Variants in VWA5B1 observed in about 807,000 individuals in gnomAD.
VWA5B1 encodes von Willebrand factor A domain-containing protein 5B1.
In VWA5B1, 115 loss-of-function variants were observed where a neutral mutation model predicts 118.2. The ratio of observed to expected loss-of-function variants is 0.97; its 90% CI spans 0.84 to 1.14. The LOEUF (loss-of-function observed/expected upper bound fraction) is 1.14, where lower values mean the gene tolerates loss of function less well. Among genes scored for constraint, VWA5B1 ranks in the 50% most tolerant of loss-of-function variants. The pLI is 0.00. For synonymous variants in VWA5B1, 682 were observed against 658.4 expected, an observed-to-expected ratio of 1.04 and a Z score of -0.55; for missense variants, 1,596 against 1,603.8, an observed-to-expected ratio of 1.00 and a Z score of 0.08.
chr1:20,349,731 CTTTTTTT>C (rs35309990), intron 18 of VWA5B1, among the ~76,000 whole-genome samples: 1 of 111,818 alleles, frequency 8.9e-6, no homozygotes, highest in Non-Finnish European at 1.8e-5. Flanking sequence ...ACATTCCTGA[CTTTTTTT>C]TTTTTTTTTT....
chr1:20,327,115 T>C (rs2100911101), intron 8 of VWA5B1, among the ~76,000 whole-genome samples: 1 of 152,204 alleles, frequency 6.6e-6, no homozygotes, highest in East Asian at 1.9e-4. Flanking sequence ...TTTATCAAGG[T>C]CTCCTGCTGG....
In VWA5B1 at chr1:20,354,325, G is replaced by A. The variant is rs1352727494; in HGVS notation, c.*62G>A. 1.4e-6 allele frequency: 2 copies of A among 1,479,032 alleles called. No homozygotes were observed. Among genetic ancestry groups the A allele is most frequent in the East Asian group, 2.5e-5 (1 of 40,206 alleles). The allele number at this position is 1,479,032 out of a possible 1,614,324, so 91.6% of individuals were successfully genotyped here. ...GGAGGAGAGGGATGGGCAGGGCCAT[G>A]TCGGCCTGGTTTCGGGGAGCTTTTG... On this transcript the variant is annotated 3_prime_UTR_variant, in exon 22 of 22. Coordinates refer to ENST00000289815, the MANE Select transcript of VWA5B1 (RefSeq NM_001039500.3).
chr1:20,350,125 A>C (rs1470818850), intron 18 of VWA5B1, 31 bp from the exon 19 acceptor site: 13 of 1,545,700 alleles, frequency 8.4e-6, no homozygotes, highest in Non-Finnish European at 1.1e-5. Context: ...GGGAGGGGAG[A>C]GGTCCAGCCT....
At chr1:20,328,076 A>C in intron 9 of VWA5B1, 76 bp downstream of exon 9, 2 of 1,401,518 alleles carry the variant, frequency 1.4e-6, no homozygotes, top group Non-Finnish European at 2.0e-6. Flanking sequence ...AAGGGGAAAA[A>C]ATAGTTAAAA....
In VWA5B1 at chr1:20,323,489, A is replaced by T. The variant is rs1256023770; in HGVS notation, c.1100A>T (p.Asp367Val). The T allele has an allele frequency of 3.9e-6, 6 of 1,528,530 alleles. No homozygotes were observed. Among genetic ancestry groups the T allele is most frequent in the Non-Finnish European group, 4.4e-6 (5 of 1,136,244 alleles). 94.7% of individuals were successfully genotyped at this position (1,528,530 alleles called of 1,614,324 possible). The change falls in exon 8 of 22, where the codon GAC (aspartate) becomes GTC (valine). Residue 367 changes from aspartate (D) to valine (V), a missense_variant. Coordinates refer to ENST00000289815, the MANE Select transcript of VWA5B1 (RefSeq NM_001039500.3). ...KAHGEFIFLI[D>V]RSSSMSGISM... is the part of the protein sequence containing the mutation. ...CACGGGGAGTTCATCTTCCTCATTGACAGGAGCAGCAGCATGAGCGGGATC... is the reference window on the plus strand; with the variant it reads ...CACGGGGAGTTCATCTTCCTCATTGTCAGGAGCAGCAGCATGAGCGGGATC...
chr1:20,296,063 A>G (rs2088400800), intron 1 of VWA5B1, among the ~76,000 whole-genome samples: 1 of 152,146 alleles, frequency 6.6e-6, no homozygotes, highest in Non-Finnish European at 1.5e-5. Context: ...GAATTTTCCC[A>G]TGTTAGCCAG....
chr1:20,314,259 A>T, intron 3 of VWA5B1, 63 bp from the exon 4 acceptor site: 14 of 1,499,868 alleles, frequency 9.3e-6, no homozygotes, highest in Non-Finnish European at 1.3e-5. Context: ...TTACCACAAC[A>T]GCAATCTTAG....
In VWA5B1 at chr1:20,357,466, G is replaced by A. The variant is rs192440295; in HGVS notation, c.*3203G>A. On this transcript the variant is annotated 3_prime_UTR_variant, in exon 22 of 22. Coordinates refer to ENST00000289815, the MANE Select transcript of VWA5B1 (RefSeq NM_001039500.3). ...ATGTTACTGTGCGTTGTCAGGCTCC[G>A]AGCAGGTGACCCAGCAGCAGCTCTT... Among the ~76,000 whole-genome samples, 102 of 152,270 alleles carry A rather than the reference G, an allele frequency of 6.7e-4. No individual in the cohort carries two copies. The highest frequency in any genetic ancestry group is 7.6e-4 in the Non-Finnish European group (52 of 68,030).
chr1:20,295,679 C>G (rs2088393089), intron 1 of VWA5B1, among the ~76,000 whole-genome samples: 1 of 152,138 alleles, frequency 6.6e-6, no homozygotes, highest in Non-Finnish European at 1.5e-5. Context: ...AGAGACAGGA[C>G]CCAGGGCCAG....
At position 20,336,398 on chromosome 1, in the gene VWA5B1, A is replaced by AGAC; in HGVS notation, c.1855_1857dup (p.Asp619dup). On this transcript the variant is annotated inframe_insertion, in exon 13 of 22. Transcript: ENST00000289815. Reference sequence around the variant, plus strand: ...ATGACGGACCCGGGCTGGAAGGTGGAGACTGTGCCAAGAACTCGGGGGCAC... The same window carrying AGAC: ...ATGACGGACCCGGGCTGGAAGGTGGAGACGACTGTGCCAAGAACTCGGGGGCAC... 1.3e-6 allele frequency: 2 copies of AGAC among 1,530,188 alleles called. No individual in the cohort carries two copies. The highest frequency in any genetic ancestry group is 1.8e-6 in the Non-Finnish European group (2 of 1,136,226). The allele number at this position is 1,530,188 out of a possible 1,614,324, so 94.8% of individuals were successfully genotyped here. A position where few individuals can be genotyped will look rare whatever the true frequency, so the allele number is the denominator to read the frequency against.
chr1:20,322,731 C>T (rs537958776), intron 7 of VWA5B1, among the ~76,000 whole-genome samples: 1 of 152,296 alleles, frequency 6.6e-6, no homozygotes, highest in South Asian at 2.1e-4. Flanking sequence ...GCCAGGCAGC[C>T]AGCTTCACAG....
At chr1:20,352,249 A>C (rs1374896865) in intron 21 of VWA5B1, 77 bp downstream of exon 21, 1 of 1,071,952 alleles carries the variant, frequency 9.3e-7, no homozygotes, top group Non-Finnish European at 1.3e-6. Flanking sequence ...CCCCCTGCCC[A>C]CCTCTCCACT....
At chr1:20,307,300 A>G (rs2088686173) in intron 1 of VWA5B1, among the ~76,000 whole-genome samples, 1 of 152,106 alleles carries the variant, frequency 6.6e-6, no homozygotes, top group African/African-American at 2.4e-5. Context: ...CCTGAGGCCC[A>G]GGTTGGGACA....
In VWA5B1 at chr1:20,337,726, G is replaced by A. The variant is rs1466248804; in HGVS notation, c.2023G>A (p.Ala675Thr). The A allele has an allele frequency of 6.4e-7, 1 of 1,551,698 alleles. No individual in the cohort carries two copies. The highest frequency in any genetic ancestry group is 1.4e-5 in the African/African-American group (1 of 73,130). ...CAAGCCCCTCCCAAGAGCCACCATG[G>A]CAAGTGACCCCATGCCAGCTGCCAA... ...NHKPLPRATM[A>T]SDPMPAAKRY... is the part of the protein sequence containing the mutation. Residue 675 changes from alanine (A) to threonine (T), a missense_variant, in exon 14 of 22, where the codon GCA (alanine) becomes ACA (threonine). Coordinates refer to ENST00000289815, the MANE Select transcript of VWA5B1 (RefSeq NM_001039500.3).
intron 7 of VWA5B1, among the ~76,000 whole-genome samples, chr1:20,322,562 G>A (rs981607573): frequency 6.6e-6 from 1 of 152,222 alleles, no homozygotes; most frequent in African/African-American, 2.4e-5. Context: ...AAGAAGCTAA[G>A]AGATGACCTG....
Position 20,356,779 on chromosome 1 carries a change from T to G in VWA5B1, c.*2516T>G, listed in dbSNP as rs1474953612. Among the ~76,000 whole-genome samples the G allele has an allele frequency of 6.6e-6, 1 of 152,196 alleles. No homozygotes were observed. Among genetic ancestry groups the G allele is most frequent in the Admixed American group, 6.5e-5 (1 of 15,286 alleles). On this transcript the variant is annotated 3_prime_UTR_variant, in exon 22 of 22. Coordinates refer to ENST00000289815, the MANE Select transcript of VWA5B1 (RefSeq NM_001039500.3). ...AAAGGTGCAGAAGAACAAATCTTCA[T>G]TGGTTGCAAATAACCCAAGAGCTAT...
Position 20,314,330 on chromosome 1 carries a change from C to A in VWA5B1, c.301C>A (p.Leu101Met). Residue 101 changes from leucine (L) to methionine (M), a missense_variant, in exon 4 of 22, where the codon CTG (leucine) becomes ATG (methionine). Physicochemically the swap from Leu to Met is conservative, Grantham distance 15. Coordinates refer to ENST00000289815, the MANE Select transcript of VWA5B1 (RefSeq NM_001039500.3). ...GCCAGCCTGGCACTTAGGGAACATT[C>A]TGCAAGACGGGGTTTCCATAGCCCC... is the stretch of plus-strand genomic sequence containing the variant. ...VRSPTVTGNI[L>M]QDGVSIAPHS... 1 of 1,551,854 alleles carries A rather than the reference C, an allele frequency of 6.4e-7. No individual in the cohort carries two copies. Among genetic ancestry groups the A allele is most frequent in the Non-Finnish European group, 8.7e-7 (1 of 1,147,012 alleles).
chr1:20,317,417 C>T (rs2089049328), intron 4 of VWA5B1, 113 bp from the exon 5 acceptor site: 6 of 1,409,584 alleles, frequency 4.3e-6, no homozygotes, highest in Non-Finnish European at 4.7e-6. Flanking sequence ...GGTCTGGGGG[C>T]CCCCTTGGTG....
chr1:20,308,482 C>T (rs1018812953), intron 1 of VWA5B1, among the ~76,000 whole-genome samples: 6 of 152,116 alleles, frequency 3.9e-5, no homozygotes, highest in African/African-American at 1.4e-4. Flanking sequence ...TGCAGGGGGA[C>T]TGGGCGGGGA....
Sources: allele counts gnomAD v4.1 joint callset (sites outside exome capture counted in the v4.1 genomes callset), GRCh38; gene constraint gnomAD v4.1.1; transcripts MANE v1.5; gene names NCBI Gene and HGNC (gene_info 2026-07-23, HGNC 2026-07-21).